The following PDPR variants were observed in gnomAD, a reference collection of about 807,000 sequenced individuals.
PDPR encodes pyruvate dehydrogenase phosphatase regulatory subunit.
PDPR carries 50 observed loss-of-function variants against 102.2 expected under a neutral mutation model. The observed-to-expected ratio is 0.49, with a 90% CI of 0.39 to 0.62. The LOEUF is 0.62. Ranked by LOEUF, PDPR falls within the 20% of genes least tolerant of loss-of-function variation. The pLI is 0.00. For missense variants in PDPR, 625 were observed against 1,098.2 expected (o/e 0.57, Z 6.09); for synonymous variants, 259 against 406.0 (o/e 0.64, Z 4.35).
chr16:70,152,871 G>A (rs914456760), intron 17 of PDPR, among the ~76,000 whole-genome samples: 2 of 152,294 alleles, frequency 1.3e-5, no homozygotes, highest in African/African-American at 4.8e-5. Context: ...ACATGAGCAG[G>A]CGAGCCCTGC....
At chr16:70,115,553 A>G (rs1962553266) in intron 2 of PDPR, among the ~76,000 whole-genome samples, 1 of 152,206 alleles carries the variant, frequency 6.6e-6, no homozygotes, top group South Asian at 2.1e-4. Context: ...CAAGTGTCCC[A>G]GGTGGTTCTT....
downstream of PDPR, among the ~76,000 whole-genome samples, chr16:70,163,227 C>T (rs1344457807): frequency 2.0e-5 from 3 of 152,140 alleles, no homozygotes; most frequent in Non-Finnish European, 2.9e-5. Flanking sequence ...GGATTACAGG[C>T]GTGAGCCACT....
intron 9 of PDPR, among the ~76,000 whole-genome samples, chr16:70,135,251 T>TTC (rs397955333): frequency 1.3e-5 from 2 of 152,016 alleles, no homozygotes; most frequent in South Asian, 2.1e-4. Flanking sequence ...TTTTTTTTTT[T>TTC]CCTGAGATGG....
At chr16:70,114,140 C>G (rs899111732), upstream of PDPR, 31 of 152,282 alleles carry the variant, frequency 2.0e-4, no homozygotes, top group African/African-American at 6.5e-4. Flanking sequence ...AAAGAGGCCG[C>G]GGGGGCGGTG....
At chr16:70,121,615 C>T (rs1597294602) in intron 3 of PDPR, among the ~76,000 whole-genome samples, 1 of 152,180 alleles carries the variant, frequency 6.6e-6, no homozygotes, top group South Asian at 2.1e-4. Flanking sequence ...TCGCTTGAAT[C>T]CGTGAGGCGG....
In PDPR at chr16:70,157,443, G is replaced by A; in HGVS notation, c.*564G>A. 1 of 349,678 alleles carries A rather than the reference G, an allele frequency of 2.9e-6. No homozygotes were observed. Among genetic ancestry groups the A allele is most frequent in the South Asian group, 2.3e-5 (1 of 43,856 alleles). The allele number at this position is 349,678 out of a possible 1,614,324, so 21.7% of individuals were successfully genotyped here. The stretch of plus-strand genomic sequence containing the variant: ...CAAGAGGATGATTATCTACCTCACT[G>A]ATAAGAGGCATCGCATGGACGTTCT... On this transcript the variant is annotated 3_prime_UTR_variant, in exon 19 of 19. Transcript: ENST00000288050.
chr16:70,128,250 CAA>C, intron 4 of PDPR, among the ~76,000 whole-genome samples: 1 of 151,524 alleles, frequency 6.6e-6, no homozygotes. Context: ...TTTTTAAAGA[CAA>C]AGTCTCACTC....
chr16:70,162,614 G>A (rs925898895), downstream of PDPR: 3 of 152,668 alleles, frequency 2.0e-5, no homozygotes, highest in African/African-American at 7.2e-5. Context: ...AGCGTGCAGA[G>A]GAGAGTGTGT....
rs747933253 is a variant in PDPR, at chr16:70,132,127, C to T, written c.848-24C>T. 6 of 1,605,340 alleles carry T rather than the reference C, an allele frequency of 3.7e-6. No individual in the cohort carries two copies. In the African/African-American group the frequency reaches 5.3e-5, roughly 14 times the overall value. On this transcript the variant is annotated intron_variant, in intron 8 of 18. Coordinates refer to ENST00000288050, the MANE Select transcript of PDPR (RefSeq NM_017990.5). ...CCCTTGTTTTTTCTTCCACTCCCCA[C>T]TCCATGTCATTTCTCCACCTCAGCT... is the stretch of plus-strand genomic sequence containing the variant.
intron 16 of PDPR, chr16:70,147,466 T>TGTACAGAA (rs1394004257): frequency 2.7e-6 from 1 of 375,860 alleles, no homozygotes; most frequent in African/African-American, 2.1e-5. Context: ...GTAACTTCTG[T>TGTACAGAA]GTCTGTGGCA....
chr16:70,153,987 A>G lies in PDPR; in HGVS notation c.2235+414A>G, dbSNP rs372529820. Among the ~76,000 whole-genome samples, 26 of 152,180 alleles carry G rather than the reference A, an allele frequency of 1.7e-4. No homozygotes were observed. In the East Asian group the frequency reaches 2.3e-3, roughly 14 times the overall value. On this transcript the variant is annotated intron_variant, in intron 18 of 18. Transcript: ENST00000288050. ...AAGTTCAGGAGATCGAGATCATCCTAGCTAACACAGTGAAACCCCGTCTCT... is the reference window on the plus strand; with the variant it reads ...AAGTTCAGGAGATCGAGATCATCCTGGCTAACACAGTGAAACCCCGTCTCT...
At position 70,157,872 on chromosome 16, in the gene PDPR, T is replaced by A. The variant is rs1967391235; in HGVS notation, c.*993T>A. On this transcript the variant is annotated 3_prime_UTR_variant, in exon 19 of 19. Transcript: ENST00000288050. Reference sequence around the variant, plus strand: ...TCACAGTTGGCCCATAAAGTCATGTTTCTCTCCCTTTAGAATAGGGAGGGG... The same window carrying A: ...TCACAGTTGGCCCATAAAGTCATGTATCTCTCCCTTTAGAATAGGGAGGGG... 1 of 154,428 alleles carries A rather than the reference T, an allele frequency of 6.5e-6. No individual in the cohort carries two copies. Among genetic ancestry groups the A allele is most frequent in the African/African-American group, 2.4e-5 (1 of 41,504 alleles). The allele number at this position is 154,428 out of a possible 1,614,324, so 9.6% of individuals were successfully genotyped here.
Position 70,161,898 on chromosome 16 carries a change from C to T in PDPR, c.*5019C>T, listed in dbSNP as rs949807706. On this transcript the variant is annotated 3_prime_UTR_variant, in exon 19 of 19. Coordinates refer to ENST00000288050, the MANE Select transcript of PDPR (RefSeq NM_017990.5). ...TCTGCCTTCTTATTTTCCTGTCTGTCAAAGACAGAAATTACAGGAGATAGG... is the reference window on the plus strand; with the variant it reads ...TCTGCCTTCTTATTTTCCTGTCTGTTAAAGACAGAAATTACAGGAGATAGG... 1.3e-5 allele frequency: 2 copies of T among 152,354 alleles called. No individual in the cohort carries two copies. The highest frequency in any genetic ancestry group is 2.4e-5 in the African/African-American group (1 of 41,470). The allele number at this position is 152,354 out of a possible 1,614,324, so 9.4% of individuals were successfully genotyped here. A position where few individuals can be genotyped will look rare whatever the true frequency, so the allele number is the denominator to read the frequency against.
intron 3 of PDPR, among the ~76,000 whole-genome samples, chr16:70,123,929 C>T (rs528672779): frequency 6.6e-6 from 1 of 152,272 alleles, no homozygotes; most frequent in East Asian, 1.9e-4. Context: ...TTATTCGCGT[C>T]TGTTAATCTC....
chr16:70,159,879 T>A lies in PDPR; in HGVS notation c.*3000T>A, dbSNP rs1172689288. 1.3e-5 allele frequency: 2 copies of A among 152,974 alleles called. No homozygotes were observed. The highest frequency in any genetic ancestry group is 2.9e-5 in the Non-Finnish European group (2 of 68,544). The allele number at this position is 152,974 out of a possible 1,614,324, so 9.5% of individuals were successfully genotyped here. Reference sequence around the variant, plus strand: ...CATGTGTCATTTCCAAGGGTTTGCCTTGTGTCTCAGCTCATTCTGGGCAGC... The same window carrying A: ...CATGTGTCATTTCCAAGGGTTTGCCATGTGTCTCAGCTCATTCTGGGCAGC... On this transcript the variant is annotated 3_prime_UTR_variant, in exon 19 of 19. Coordinates refer to ENST00000288050, the MANE Select transcript of PDPR (RefSeq NM_017990.5).
intron 10 of PDPR, among the ~76,000 whole-genome samples, chr16:70,138,565 G>T (rs1965402209): frequency 6.6e-6 from 1 of 152,220 alleles, no homozygotes; most frequent in South Asian, 2.1e-4. Context: ...TGTTGCCCAG[G>T]CTGGTCTCAA....
intron 4 of PDPR, 58 bp from the exon 5 acceptor site, chr16:70,128,726 C>T (rs1404325945): frequency 6.2e-7 from 1 of 1,613,022 alleles, no homozygotes; most frequent in Admixed American, 1.7e-5. Flanking sequence ...GTGGATTTTC[C>T]ACTCTCCTGT....
rs907701652 is a variant in PDPR at position 70,158,383 on chromosome 16, A to G, written c.*1504A>G. 5 of 152,612 alleles carry G rather than the reference A, an allele frequency of 3.3e-5. No homozygotes were observed. Among genetic ancestry groups the G allele is most frequent in the Non-Finnish European group, 5.9e-5 (4 of 68,212 alleles). 9.5% of individuals were successfully genotyped at this position (152,612 alleles called of 1,614,324 possible). The stretch of plus-strand genomic sequence containing the variant: ...TGGAAGCATTAGCTCTGATAGGTCT[A>G]TAAGTGTATTAAGGGACATCCTTCC... On this transcript the variant is annotated 3_prime_UTR_variant, in exon 19 of 19. Coordinates refer to ENST00000288050, the MANE Select transcript of PDPR (RefSeq NM_017990.5).
At chr16:70,117,499 CAG>C (rs1252293709) in intron 2 of PDPR, among the ~76,000 whole-genome samples, 1 of 151,706 alleles carries the variant, frequency 6.6e-6, no homozygotes, top group African/African-American at 2.4e-5. Context: ...GCCTGGGCGA[CAG>C]AGCGAGACTC....
Sources: allele counts gnomAD v4.1 joint callset (sites outside exome capture counted in the v4.1 genomes callset), GRCh38; gene constraint gnomAD v4.1.1; transcripts MANE v1.5; gene names NCBI Gene and HGNC (gene_info 2026-07-23, HGNC 2026-07-21).